PCDH9: variants seen among roughly 807,000 people sequenced by gnomAD.
PCDH9 encodes the protein protocadherin 9.
Under a neutral mutation model 70.6 loss-of-function variants are expected in PCDH9, and 24 were observed. The ratio of observed to expected loss-of-function variants is 0.34; its 90% CI spans 0.25 to 0.48. The LOEUF is 0.48. Ranked by LOEUF, PCDH9 falls within the 20% of genes least tolerant of loss-of-function variation. PCDH9 has a pLI of 0.99. For missense variants in PCDH9, 1,281 were observed against 1,503.6 expected, an observed-to-expected ratio of 0.85 and a Z score of 2.45; for synonymous variants, 562 against 558.5, an observed-to-expected ratio of 1.01 and a Z score of -0.09.
At chr13:66,509,229 TCTTTCTC>T (rs1264035008) in intron 4 of PCDH9, among the ~76,000 whole-genome samples, 1 of 152,064 alleles carries the variant, frequency 6.6e-6, no homozygotes, top group African/African-American at 2.4e-5. Flanking sequence ...AATTGTGGAG[TCTTTCTC>T]TGACTCTTTA....
At chr13:67,163,253 T>A (rs2088013328) in intron 2 of PCDH9, among the ~76,000 whole-genome samples, 1 of 152,200 alleles carries the variant, frequency 6.6e-6, no homozygotes, top group Admixed American at 6.5e-5. Flanking sequence ...CATACATAAC[T>A]TTCTCACTTA....
chr13:66,769,070 A>G (rs2079762779), intron 3 of PCDH9, among the ~76,000 whole-genome samples: 1 of 152,118 alleles, frequency 6.6e-6, no homozygotes, highest in African/African-American at 2.4e-5. Flanking sequence ...ATGGAGAAGG[A>G]CTGATTTATA....
rs1959061266 is a variant in PCDH9, at chr13:66,493,259, GGCATTTGAATACTA to G, written c.3340+137937_3340+137950del. Reference sequence around the variant, plus strand: ...GTCAGTGTGGCAAATGTGTTTTTGTGGCATTTGAATACTAGCCAGCAAGTCTCTTCTTTTATGAG... The same window carrying G: ...GTCAGTGTGGCAAATGTGTTTTTGTGGCCAGCAAGTCTCTTCTTTTATGAG... On this transcript the variant is annotated intron_variant, in intron 4 of 4. Transcript: ENST00000377865. Among the ~76,000 whole-genome samples the G allele has an allele frequency of 2.0e-5, 3 of 151,954 alleles. No individual in the cohort carries two copies. In the South Asian group the frequency reaches 6.2e-4, roughly 32 times the overall value.
intron 2 of PCDH9, among the ~76,000 whole-genome samples, chr13:66,980,831 TCCTAA>T (rs1223992581): frequency 8.1e-5 from 12 of 147,344 alleles, no homozygotes; most frequent in Admixed American, 6.9e-4. Flanking sequence ...TAAACAAATA[TCCTAA>T]CTAAACCTTT....
In PCDH9 at chr13:66,443,904, G is replaced by A. The variant is rs117905204; in HGVS notation, c.3341-138876C>T. Among the ~76,000 whole-genome samples the A allele has an allele frequency of 8.7e-3, 1,331 of 152,130 alleles. 7 individuals carry two copies. The highest frequency in any genetic ancestry group is 0.014 in the Admixed American group (208 of 15,270). ...ATCTGATTTTTTTGGAAATTACTAT[G>A]AGCGTTGTTTAACAAATTTCAAATT... On this transcript the variant is annotated intron_variant, in intron 4 of 4. Coordinates refer to ENST00000377865, the MANE Select transcript of PCDH9 (RefSeq NM_203487.3).
At position 67,189,125 on chromosome 13, in the gene PCDH9, C is replaced by CAT. The variant is rs200358480; in HGVS notation, c.3036+36278_3036+36279dup. Among the ~76,000 whole-genome samples, 323 of 151,366 alleles carry CAT rather than the reference C, an allele frequency of 2.1e-3. 4 individuals are homozygous for CAT. Among genetic ancestry groups the CAT allele is most frequent in the Non-Finnish European group, 2.8e-3 (190 of 67,812 alleles). On this transcript the variant is annotated intron_variant, in intron 2 of 4. Coordinates refer to ENST00000377865, the MANE Select transcript of PCDH9 (RefSeq NM_203487.3). ...TTGCTGAGAATGCCGTTAATTCCTT[C>CAT]ATATATATATATGAAGGAATACACA... is the stretch of plus-strand genomic sequence containing the variant.
intron 4 of PCDH9, among the ~76,000 whole-genome samples, chr13:66,430,504 A>G (rs1315465628): frequency 6.6e-6 from 1 of 152,026 alleles, no homozygotes; most frequent in African/African-American, 2.4e-5. Context: ...CTTCCAGTGA[A>G]GCAATAACAT....
chr13:66,725,095 C>T (rs140554903), intron 3 of PCDH9, among the ~76,000 whole-genome samples: 1 of 152,236 alleles, frequency 6.6e-6, no homozygotes, highest in East Asian at 1.9e-4. Flanking sequence ...AAAATACACC[C>T]CCACACTCCC....
chr13:67,026,182 C>T (rs2084777037), intron 2 of PCDH9, among the ~76,000 whole-genome samples: 1 of 152,028 alleles, frequency 6.6e-6, no homozygotes, highest in Non-Finnish European at 1.5e-5. Flanking sequence ...GCCTTGCATC[C>T]CAGGGATGAA....
At chr13:67,186,703 A>G (rs927013598) in intron 2 of PCDH9, among the ~76,000 whole-genome samples, 19 of 152,334 alleles carry the variant, frequency 1.2e-4, no homozygotes, top group Middle Eastern at 6.8e-3. Flanking sequence ...ATATCCCATT[A>G]TTACATATCC....
chr13:66,887,623 G>A (rs1244953457), intron 3 of PCDH9, among the ~76,000 whole-genome samples: 1 of 152,186 alleles, frequency 6.6e-6, no homozygotes, highest in Non-Finnish European at 1.5e-5. Flanking sequence ...GTAAGCACTA[G>A]CTATGTTAGT....
chr13:66,775,313 G>T (rs752525802), intron 3 of PCDH9, among the ~76,000 whole-genome samples: 21 of 152,058 alleles, frequency 1.4e-4, no homozygotes, highest in Non-Finnish European at 2.8e-4. Context: ...TCCCAAATGG[G>T]GCCTTTTTAA....
At chr13:67,044,685 G>A (rs182123254) in intron 2 of PCDH9, among the ~76,000 whole-genome samples, 107 of 152,264 alleles carry the variant, frequency 7.0e-4, no homozygotes, top group Admixed American at 2.0e-3. Flanking sequence ...CAGTTTCACA[G>A]ATAGGAAAAG....
chr13:67,204,406 C>T (rs979517148), intron 2 of PCDH9: 4 of 152,100 alleles, frequency 2.6e-5, no homozygotes, highest in Non-Finnish European at 4.4e-5. Flanking sequence ...TACTACATCA[C>T]CTCAGAAAAA....
At chr13:66,305,273 C>A (rs1955444818) in intron 4 of PCDH9, among the ~76,000 whole-genome samples, 1 of 151,624 alleles carries the variant, frequency 6.6e-6, no homozygotes. Context: ...TTATTTAGAT[C>A]CAAAGACATA....
intron 3 of PCDH9, chr13:66,880,208 T>C (rs1025898084): frequency 1.3e-5 from 2 of 152,204 alleles, no homozygotes; most frequent in Admixed American, 1.3e-4. Flanking sequence ...CTTGGATTCA[T>C]AGTACTTACT....
chr13:67,153,984 T>C (rs2087732045), intron 2 of PCDH9, among the ~76,000 whole-genome samples: 1 of 152,214 alleles, frequency 6.6e-6, no homozygotes. Context: ...GCTCGAGGCA[T>C]ATATTGTTTT....
At chr13:66,739,593 T>A (rs376526187) in intron 3 of PCDH9, among the ~76,000 whole-genome samples, 5 of 147,514 alleles carry the variant, frequency 3.4e-5, no homozygotes, top group South Asian at 2.2e-4. Flanking sequence ...TATTCAGGAA[T>A]CCCATCTCAC....
intron 2 of PCDH9, among the ~76,000 whole-genome samples, chr13:66,906,784 TAACTATTATAAATACCCA>T (rs560269847): frequency 1.1e-3 from 173 of 152,246 alleles, no homozygotes; most frequent in African/African-American, 3.4e-3. Flanking sequence ...ATTTTGAGAT[TAACTATTATAAATACCCA>T]AACTTTTAAG....
Sources: allele counts gnomAD v4.1 joint callset (sites outside exome capture counted in the v4.1 genomes callset), GRCh38; gene constraint gnomAD v4.1.1; transcripts MANE v1.5; gene names NCBI Gene and HGNC (gene_info 2026-07-23, HGNC 2026-07-21).